Variants in MCHR2 observed in about 807,000 individuals in gnomAD.
The protein encoded by MCHR2 is melanin-concentrating hormone receptor 2.
A neutral mutation model predicts 24.8 loss-of-function variants in MCHR2; 15 were observed. That is an observed-to-expected ratio of 0.60 (90% confidence interval 0.40 to 0.93). The LOEUF is 0.93. Among genes scored for constraint, MCHR2 ranks in the 40% least tolerant of loss-of-function variants. The probability of loss-of-function intolerance (pLI) is 0.00; values close to 1 mark genes in which losing one functional copy is unlikely to be tolerated. For missense variants in MCHR2, 386 were observed against 408.7 expected, an observed-to-expected ratio of 0.94 and a Z score of 0.48; for synonymous variants, 151 against 147.6, an observed-to-expected ratio of 1.02 and a Z score of -0.17.
At chr6:99,993,277 A>C (rs9376645) in intron 1 of MCHR2, among the ~76,000 whole-genome samples, 91,633 of 152,016 alleles carry the variant, frequency 0.6, 27,723 homozygotes, top group Middle Eastern at 0.66. Context: ...CCACCTGCCT[A>C]CTTTCCCCAG....
At chr6:99,986,286 A>G (rs1272115920) in intron 1 of MCHR2, among the ~76,000 whole-genome samples, 1 of 152,200 alleles carries the variant, frequency 6.6e-6, no homozygotes, top group Non-Finnish European at 1.5e-5. Context: ...AAGTAAAAAA[A>G]GAACTACGCT....
At chr6:99,942,361 C>G (rs903085561) in intron 4 of MCHR2, among the ~76,000 whole-genome samples, 4 of 152,142 alleles carry the variant, frequency 2.6e-5, no homozygotes, top group Non-Finnish European at 4.4e-5. Flanking sequence ...ACATATCACT[C>G]CAATCTCCGC....
rs1222092855 is a variant in MCHR2, at chr6:99,919,053, A to G, written c.*1887T>C. Among the ~76,000 whole-genome samples, 1 of 152,350 alleles carries G rather than the reference A, an allele frequency of 6.6e-6. No individual in the cohort carries two copies. Among genetic ancestry groups the G allele is most frequent in the East Asian group, 1.9e-4 (1 of 5,184 alleles). On this transcript the variant is annotated 3_prime_UTR_variant, in exon 6 of 6. Transcript: ENST00000281806. ...CATTGTGCTGGGTCTTCAGAAGTCA[A>G]TATTATTCACTGAGCCCGGACTGTT...
chr6:99,993,251 CA>C (rs1469058525), intron 1 of MCHR2, among the ~76,000 whole-genome samples: 4 of 152,158 alleles, frequency 2.6e-5, no homozygotes, highest in Admixed American at 6.5e-5. Context: ...AGCTGAGTTG[CA>C]AAGGGCCTAG....
chr6:99,933,522 G>T (rs1344709057), intron 5 of MCHR2, among the ~76,000 whole-genome samples: 3 of 151,906 alleles, frequency 2.0e-5, no homozygotes, highest in African/African-American at 7.3e-5. Flanking sequence ...GACTTTCAAA[G>T]AATTCCAAGA....
At chr6:99,989,745 C>T (rs1311329359) in intron 1 of MCHR2, among the ~76,000 whole-genome samples, 4 of 152,074 alleles carry the variant, frequency 2.6e-5, no homozygotes, top group Non-Finnish European at 5.9e-5. Context: ...GATACAGAGG[C>T]TCTCTGTAAA....
At chr6:99,928,129 C>T (rs114192080) in intron 5 of MCHR2, among the ~76,000 whole-genome samples, 16,786 of 151,982 alleles carry the variant, frequency 0.11, 1,735 homozygotes, top group East Asian at 0.58. Context: ...GTTTATATTG[C>T]GGATTACCTT....
chr6:99,934,264 T>C (rs1378542721), intron 5 of MCHR2, 134 bp downstream of exon 5: 7 of 870,400 alleles, frequency 8.0e-6, no homozygotes, highest in Non-Finnish European at 1.1e-5. Context: ...CAAAAATTTT[T>C]TCTATAGACA....
chr6:99,939,029 A>T (rs1396548504), intron 4 of MCHR2, among the ~76,000 whole-genome samples: 1 of 151,966 alleles, frequency 6.6e-6, no homozygotes, highest in Non-Finnish European at 1.5e-5. Flanking sequence ...CTCCAGTTGT[A>T]TGGAATGTGT....
chr6:99,948,056 G>C, intron 2 of MCHR2, 85 bp from the exon 3 acceptor site: 1 of 1,151,556 alleles, frequency 8.7e-7, no homozygotes, highest in Non-Finnish European at 1.2e-6. Flanking sequence ...ATTTTTAATT[G>C]ACATAATGCA....
chr6:99,978,217 A>G (rs1775592668), intron 1 of MCHR2, among the ~76,000 whole-genome samples: 1 of 152,158 alleles, frequency 6.6e-6, no homozygotes, highest in Non-Finnish European at 1.5e-5. Flanking sequence ...ATTTAATTTA[A>G]CTGAGAATGT....
At chr6:99,974,870 G>A (rs1250293220) in intron 1 of MCHR2, among the ~76,000 whole-genome samples, 1 of 152,148 alleles carries the variant, frequency 6.6e-6, no homozygotes, top group Admixed American at 6.5e-5. Flanking sequence ...GCAGAACAGT[G>A]GTGGCTGTAC....
chr6:99,962,566 C>T (rs1775209199), intron 1 of MCHR2, among the ~76,000 whole-genome samples: 2 of 152,014 alleles, frequency 1.3e-5, no homozygotes, highest in African/African-American at 4.8e-5. Context: ...TGAAATTGGA[C>T]CCTTATCTTG....
rs1205923963 is a variant in MCHR2 at position 99,920,757 on chromosome 6, C to T, written c.*183G>A. 9 of 617,772 alleles carry T rather than the reference C, an allele frequency of 1.5e-5. No individual in the cohort carries two copies. Among genetic ancestry groups the T allele is most frequent in the Non-Finnish European group, 2.5e-5 (9 of 354,852 alleles). The allele number at this position is 617,772 out of a possible 1,614,324, so 38.3% of individuals were successfully genotyped here. On this transcript the variant is annotated 3_prime_UTR_variant, in exon 6 of 6. Coordinates refer to ENST00000281806, the MANE Select transcript of MCHR2 (RefSeq NM_001040179.2). ...ACCCACAATATAGATCAACATTTTA[C>T]ATCTTGCTAAAGTTAGCATATTAAG...
At chr6:99,983,261 A>G (rs1775706242) in intron 1 of MCHR2, among the ~76,000 whole-genome samples, 1 of 152,180 alleles carries the variant, frequency 6.6e-6, no homozygotes, top group African/African-American at 2.4e-5. Context: ...GTGAACCACC[A>G]TGCCCAGCCC....
chr6:99,940,212 C>T lies in MCHR2; in HGVS notation c.587+2737G>A, dbSNP rs190677329. 2.6e-3 allele frequency among the ~76,000 whole-genome samples: 394 copies of T among 151,868 alleles called. 2 individuals are homozygous for T. Among genetic ancestry groups the T allele is most frequent in the Middle Eastern group, 0.017 (5 of 292 alleles). ...GCTTGCTCAACTCCCTCTTGAACAC[C>T]GATAAGTCTTAGATTTGGTCTTTTG... On this transcript the variant is annotated intron_variant, in intron 4 of 5. Transcript: ENST00000281806.
At position 99,974,921 on chromosome 6, in the gene MCHR2, C is replaced by T. The variant is rs181540575; in HGVS notation, c.-27-18747G>A. ...TGAACCGCAAATGCTGCTGCCTGAT[C>T]GTTCCTCTGGAAGTTTTGTCTCAGA... On this transcript the variant is annotated intron_variant, in intron 1 of 5. Transcript: ENST00000281806. Among the ~76,000 whole-genome samples the T allele has an allele frequency of 2.0e-3, 300 of 152,272 alleles. 2 individuals are homozygous for T. The highest frequency in any genetic ancestry group is 6.3e-3 in the African/African-American group (261 of 41,558).
At chr6:99,973,887 C>T (rs1211652364) in intron 1 of MCHR2, among the ~76,000 whole-genome samples, 4 of 152,214 alleles carry the variant, frequency 2.6e-5, no homozygotes, top group East Asian at 1.9e-4. Flanking sequence ...AAATATTGGC[C>T]CCCACTCTCT....
intron 2 of MCHR2, among the ~76,000 whole-genome samples, chr6:99,951,907 A>G (rs1774972711): frequency 6.6e-6 from 1 of 152,100 alleles, no homozygotes; most frequent in South Asian, 2.1e-4. Flanking sequence ...TGACAGGGAG[A>G]TGAGGGCAGG....
Sources: allele counts gnomAD v4.1 joint callset (sites outside exome capture counted in the v4.1 genomes callset), GRCh38; gene constraint gnomAD v4.1.1; transcripts MANE v1.5; gene names NCBI Gene and HGNC (gene_info 2026-07-23, HGNC 2026-07-21).